TEX9: variants seen among roughly 807,000 people sequenced by gnomAD.
The protein encoded by TEX9 is testis-expressed protein 9.
TEX9 carries 74 observed loss-of-function variants against 59.6 expected under a neutral mutation model. The observed-to-expected ratio is 1.24, with a 90% CI of 1.03 to 1.51. The LOEUF is 1.51. Among genes scored for constraint, TEX9 ranks in the 40% most tolerant of loss-of-function variants. The probability of loss-of-function intolerance (pLI) is 0.00; values close to 1 mark genes in which losing one functional copy is unlikely to be tolerated. For synonymous variants in TEX9, 186 were observed against 152.2 expected (o/e 1.22, Z -1.64); for missense variants, 522 against 447.8 (o/e 1.17, Z -1.49).
At chr15:56,362,753 A>G (rs1490083354), upstream of TEX9, among the ~76,000 whole-genome samples, 5 of 152,182 alleles carry the variant, frequency 3.3e-5, no homozygotes, top group South Asian at 4.1e-4. Flanking sequence ...TTCTGTCACT[A>G]TGGATTTGCC....
intron 4 of TEX9, among the ~76,000 whole-genome samples, chr15:56,386,567 A>T (rs143887120): frequency 1.7e-3 from 260 of 152,098 alleles, no homozygotes; most frequent in African/African-American, 6.0e-3. Flanking sequence ...TTTTTTAAGT[A>T]CATCAATTAC....
intron 3 of TEX9, among the ~76,000 whole-genome samples, 163 bp downstream of exon 3, chr15:56,373,667 G>GTA: frequency 1.3e-5 from 2 of 152,220 alleles, no homozygotes; most frequent in South Asian, 4.2e-4. Context: ...GTATAGGAAT[G>GTA]TATATATGTA....
At chr15:56,460,009 A>AAAAAATATAT in the TEX9 span, among the ~76,000 whole-genome samples, 183 of 26,320 alleles carry the variant, frequency 7.0e-3, 36 homozygotes, top group South Asian at 0.048. Flanking sequence ...AAAAAAAAAA[A>AAAAAATATAT]ATACATATAT....
chr15:56,339,383 C>CAAAAAA (rs71456382), intron 1 of TEX9, among the ~76,000 whole-genome samples: 2,032 of 30,536 alleles, frequency 0.067, 370 homozygotes, highest in Non-Finnish European at 0.088. Context: ...ACTCCTTCTC[C>CAAAAAA]AAAAAAAAAA....
intron 1 of TEX9, among the ~76,000 whole-genome samples, chr15:56,344,625 G>C: frequency 6.6e-6 from 1 of 152,004 alleles, no homozygotes; most frequent in Non-Finnish European, 1.5e-5. Flanking sequence ...CCACAGAATT[G>C]TTCACTTTAA....
chr15:56,378,961 G>A (rs114399395), intron 3 of TEX9, among the ~76,000 whole-genome samples: 4,600 of 151,956 alleles, frequency 0.03, 259 homozygotes, highest in African/African-American at 0.1. Context: ...CTACTTGAGG[G>A]GCTGAGGAGG....
At chr15:56,325,938 C>G (rs1018824592) in intron 1 of TEX9, among the ~76,000 whole-genome samples, 1 of 152,162 alleles carries the variant, frequency 6.6e-6, no homozygotes, top group Non-Finnish European at 1.5e-5. Context: ...TCACTCATGT[C>G]TCAAGGTCTG....
intron 12 of TEX9, among the ~76,000 whole-genome samples, chr15:56,438,112 C>G (rs1379279200): frequency 1.3e-5 from 2 of 152,110 alleles, no homozygotes; most frequent in Non-Finnish European, 2.9e-5. Context: ...TTGGAAAAAA[C>G]TACTTTAAAA....
intron 1 of TEX9, among the ~76,000 whole-genome samples, chr15:56,317,742 T>C (rs1459088790): frequency 6.6e-6 from 1 of 152,214 alleles, no homozygotes; most frequent in Non-Finnish European, 1.5e-5. Context: ...TATTTCCTAA[T>C]TTCCCTTGTG....
At chr15:56,257,383 T>C (rs2044167765) in intron 1 of TEX9, among the ~76,000 whole-genome samples, 1 of 152,198 alleles carries the variant, frequency 6.6e-6, no homozygotes, top group Non-Finnish European at 1.5e-5. Context: ...TCTTCCACAA[T>C]GGTTGAACTC....
chr15:56,268,411 A>G (rs555017275), intron 1 of TEX9, among the ~76,000 whole-genome samples: 3 of 152,334 alleles, frequency 2.0e-5, no homozygotes, highest in South Asian at 4.1e-4. Context: ...CCAGTTTTCA[A>G]AGGGAATGCT....
At chr15:56,297,897 T>C (rs1476824183) in intron 1 of TEX9, among the ~76,000 whole-genome samples, 1 of 152,258 alleles carries the variant, frequency 6.6e-6, no homozygotes. Context: ...TACTGTGCCA[T>C]AATTCTTTAT....
At chr15:56,362,965 A>G (rs2046817326), upstream of TEX9, among the ~76,000 whole-genome samples, 1 of 152,212 alleles carries the variant, frequency 6.6e-6, no homozygotes, top group African/African-American at 2.4e-5. Context: ...CATTGTATGA[A>G]TATACCACTT....
downstream of TEX9, among the ~76,000 whole-genome samples, chr15:56,450,749 A>G (rs1175369010): frequency 6.7e-6 from 1 of 149,754 alleles, no homozygotes; most frequent in Non-Finnish European, 1.5e-5. Flanking sequence ...TCACTATTGA[A>G]TTTTTTGTAT....
intron 1 of TEX9, among the ~76,000 whole-genome samples, chr15:56,356,810 A>G (rs958990600): frequency 1.7e-4 from 26 of 152,132 alleles, no homozygotes; most frequent in Admixed American, 7.9e-4. Flanking sequence ...CTGGCTCTAT[A>G]ATTAAAATAT....
At chr15:56,436,908 A>T (rs1392460246) in intron 12 of TEX9, among the ~76,000 whole-genome samples, 1 of 152,208 alleles carries the variant, frequency 6.6e-6, no homozygotes, top group African/African-American at 2.4e-5. Flanking sequence ...GCTGGGAAGA[A>T]GTTGAATCCC....
intron 12 of TEX9, among the ~76,000 whole-genome samples, chr15:56,435,191 G>GTA (rs2050700021): frequency 6.6e-6 from 1 of 151,866 alleles, no homozygotes; most frequent in South Asian, 2.1e-4. Flanking sequence ...TTAGGAAAAT[G>GTA]TATATATATA....
Position 56,394,790 on chromosome 15 carries a change from A to G in TEX9, c.784A>G (p.Lys262Glu), listed in dbSNP as rs1404039237. 1.9e-6 allele frequency: 3 copies of G among 1,613,064 alleles called. No homozygotes were observed. Among genetic ancestry groups the G allele is most frequent in the Admixed American group, 3.3e-5 (2 of 59,846 alleles). ...CAAAACTCTTTTCGAAGAAGCAAAC[A>G]AAAAGTATGATGGATTACAGCAACA... The change falls in exon 9 of 13, where the codon AAA becomes GAA. Residue 262 changes from lysine (K) to glutamate (E), a missense_variant. Physicochemically the swap from Lys to Glu is moderately conservative, Grantham distance 56. Coordinates refer to ENST00000352903, the Ensembl canonical transcript of TEX9.
intron 12 of TEX9, chr15:56,429,037 A>G (rs2050469393): frequency 9.4e-7 from 1 of 1,066,214 alleles, no homozygotes; most frequent in Non-Finnish European, 1.4e-6. Context: ...CTGTAAAACA[A>G]AAGTTATGCT....
Sources: allele counts gnomAD v4.1 joint callset (sites outside exome capture counted in the v4.1 genomes callset), GRCh38; gene constraint gnomAD v4.1.1; transcripts MANE v1.5; gene names NCBI Gene and HGNC (gene_info 2026-07-23, HGNC 2026-07-21).